GTPBP4: variants seen among roughly 807,000 people sequenced by gnomAD.
GTPBP4 encodes GTP binding protein 4.
Under a neutral mutation model 81.7 loss-of-function variants are expected in GTPBP4, and 15 were observed. The observed-to-expected ratio is 0.18, with a 90% CI of 0.12 to 0.28. GTPBP4 has a LOEUF of 0.28. Ranked by LOEUF, GTPBP4 falls within the 10% of genes least tolerant of loss-of-function variation. The probability of loss-of-function intolerance (pLI) is 1.00; values close to 1 mark genes in which losing one functional copy is unlikely to be tolerated. For missense variants in GTPBP4, 847 were observed against 793.8 expected (o/e 1.07, Z -0.81); for synonymous variants, 272 against 274.6 (o/e 0.99, Z 0.09).
At chr10:1,012,686 A>C (rs369137314) in intron 14 of GTPBP4, 24 bp downstream of exon 14, 1 of 1,558,720 alleles carries the variant, frequency 6.4e-7, no homozygotes, top group Non-Finnish European at 8.8e-7. Flanking sequence ...TTTCCAAAGC[A>C]GTGTGATCTA....
At chr10:1,011,411 C>T (rs1831868161) in intron 13 of GTPBP4, among the ~76,000 whole-genome samples, 1 of 152,258 alleles carries the variant, frequency 6.6e-6, no homozygotes, top group African/African-American at 2.4e-5. Context: ...CTTCTCTCAG[C>T]TGAGCTGTCT....
rs1004395171 is a variant in GTPBP4, at chr10:1,019,883, G to T, written c.*2656G>T. 5 of 1,256,448 alleles carry T rather than the reference G, an allele frequency of 4.0e-6. No homozygotes were observed. The African/African-American group carries it at 7.5e-5, about 19-fold the overall frequency. The allele number at this position is 1,256,448 out of a possible 1,614,324, so 77.8% of individuals were successfully genotyped here. A position where few individuals can be genotyped will look rare whatever the true frequency, so the allele number is the denominator to read the frequency against. On this transcript the variant is annotated 3_prime_UTR_variant, in exon 17 of 17. Coordinates refer to ENST00000360803, the MANE Select transcript of GTPBP4 (RefSeq NM_012341.3). Reference sequence around the variant, plus strand: ...GTTAACAACGCTAATGTAAAACACAGAATTTACAGAAAAATAGAGAAAATA... The same window carrying T: ...GTTAACAACGCTAATGTAAAACACATAATTTACAGAAAAATAGAGAAAATA...
chr10:992,808 G>A (rs1831468241), intron 2 of GTPBP4, 149 bp downstream of exon 2: 1 of 576,746 alleles, frequency 1.7e-6, no homozygotes, highest in African/African-American at 1.9e-5. Context: ...GAACTAATTT[G>A]TTGAATTTAT....
At position 1,012,636 on chromosome 10, in the gene GTPBP4, C is replaced by T. The variant is rs1564471448; in HGVS notation, c.1516C>T (p.Pro506Ser). The part of the protein sequence containing the change: ...LESKEKNTQG[P>S]RMPRTAKKVQ... ...GTCCAAAGAAAAGAATACACAGGGA[C>T]CCAGGATGCCGCGAACTGCTAAGAA... Residue 506 changes from proline to serine, a missense_variant, in exon 14 of 17, where the codon CCC (proline) becomes TCC (serine). By Grantham distance (74) the Pro-to-Ser change is moderately conservative (BLOSUM62 -1). Around this residue, in one of 3 missense-constraint regions of GTPBP4, gnomAD observed 600 missense variants for 557.1 expected, o/e 1.08. Transcript: ENST00000360803. 3 of 1,613,364 alleles carry T rather than the reference C, an allele frequency of 1.9e-6. No homozygotes were observed. The highest frequency in any genetic ancestry group is 2.5e-6 in the Non-Finnish European group (3 of 1,179,604).
chr10:1,010,720 GCCT>G (rs1440958109), intron 13 of GTPBP4, among the ~76,000 whole-genome samples, 200 bp downstream of exon 13: 1 of 141,542 alleles, frequency 7.1e-6, no homozygotes, highest in Non-Finnish European at 1.5e-5. Flanking sequence ...TGCTATGCTG[GCCT>G]GCCCCCTTCC....
chr10:1,011,357 A>G (rs959302611), intron 13 of GTPBP4, among the ~76,000 whole-genome samples: 2 of 152,040 alleles, frequency 1.3e-5, no homozygotes, highest in African/African-American at 4.8e-5. Flanking sequence ...TAAAAAACGA[A>G]AACATCCTTA....
chr10:1,000,776 C>G lies in GTPBP4; in HGVS notation c.754C>G (p.Leu252Val). 6.2e-7 allele frequency: 1 copy of G among 1,610,556 alleles called. No individual in the cohort carries two copies. The highest frequency in any genetic ancestry group is 8.5e-7 in the Non-Finnish European group (1 of 1,178,198). ...CCTGGCCCACCTCCGTGCTGCGGTC[C>G]TGTATGTGATGGATTTGTCTGAGCA... ...TALAHLRAAV[L>V]YVMDLSEQCG... The change falls in exon 7 of 17, where the codon CTG becomes GTG. Residue 252 changes from leucine to valine, a missense_variant. This residue lies in a region of GTPBP4 where 600 missense variants were observed against 557.1 expected (regional missense o/e 1.08). Coordinates refer to ENST00000360803, the MANE Select transcript of GTPBP4 (RefSeq NM_012341.3).
intron 15 of GTPBP4, among the ~76,000 whole-genome samples, chr10:1,015,052 G>C (rs1831950723): frequency 6.6e-6 from 1 of 152,196 alleles, no homozygotes; most frequent in Non-Finnish European, 1.5e-5. Flanking sequence ...GTGAGGGAGA[G>C]AGCATTGTTT....
intron 12 of GTPBP4, among the ~76,000 whole-genome samples, chr10:1,010,005 G>A (rs1001690891): frequency 1.3e-5 from 2 of 152,070 alleles, no homozygotes; most frequent in African/African-American, 2.4e-5. Context: ...AAAGAAAGGT[G>A]CATGCTGATA....
chr10:1,012,144 G>A (rs761870590), intron 13 of GTPBP4, among the ~76,000 whole-genome samples: 2 of 152,236 alleles, frequency 1.3e-5, no homozygotes, highest in Non-Finnish European at 2.9e-5. Flanking sequence ...TTCCTTGTGT[G>A]TGTCTGCCGG....
At chr10:1,017,003 A>T in intron 16 of GTPBP4, 72 bp from the exon 17 acceptor site, 2 of 1,228,306 alleles carry the variant, frequency 1.6e-6, no homozygotes, top group Non-Finnish European at 2.3e-6. Context: ...ATTGTTACCC[A>T]GTAGTTGAAA....
chr10:1,011,205 T>C (rs1320763276), intron 13 of GTPBP4, among the ~76,000 whole-genome samples: 2 of 133,638 alleles, frequency 1.5e-5, no homozygotes, highest in Non-Finnish European at 3.3e-5. Context: ...ACCCTGTATC[T>C]CCGCCAGGCC....
At chr10:1,015,418 AGCC>A (rs1831962648) in intron 15 of GTPBP4, among the ~76,000 whole-genome samples, 2 of 117,590 alleles carry the variant, frequency 1.7e-5, no homozygotes, top group African/African-American at 7.3e-5. Context: ...CTGAGCGCTG[AGCC>A]TGGGAGTGGA....
intron 10 of GTPBP4, among the ~76,000 whole-genome samples, chr10:1,008,679 C>T (rs1831795613): frequency 6.6e-6 from 1 of 152,084 alleles, no homozygotes; most frequent in Non-Finnish European, 1.5e-5. Context: ...TTCTGTTTTT[C>T]CTGGATAAAC....
intron 16 of GTPBP4, 52 bp from the exon 17 acceptor site, chr10:1,017,023 G>C: frequency 1.5e-5 from 22 of 1,488,324 alleles, no homozygotes; most frequent in Non-Finnish European, 1.9e-5. Context: ...ATTCAGAATG[G>C]AAAATTGGTT....
chr10:1,006,016 G>A (rs1051524565), intron 9 of GTPBP4, 109 bp downstream of exon 9: 5 of 664,400 alleles, frequency 7.5e-6, no homozygotes, highest in East Asian at 5.4e-5. Flanking sequence ...AACACTTGGA[G>A]CCCTCGCAGT....
At chr10:993,490 A>G (rs910093692) in intron 2 of GTPBP4, among the ~76,000 whole-genome samples, 10 of 151,776 alleles carry the variant, frequency 6.6e-5, no homozygotes, top group Non-Finnish European at 1.0e-4. Flanking sequence ...CAAATGATCT[A>G]CCTGCCTCAG....
intron 4 of GTPBP4, chr10:997,001 C>T (rs1831547858): frequency 7.3e-6 from 4 of 551,688 alleles, no homozygotes; most frequent in Non-Finnish European, 1.3e-5. Context: ...ATGATTCTTA[C>T]CAGAGCCAAA....
chr10:990,160 T>C (rs1184174643), intron 1 of GTPBP4, among the ~76,000 whole-genome samples: 1 of 152,244 alleles, frequency 6.6e-6, no homozygotes, highest in East Asian at 1.9e-4. Context: ...TATTGACTTA[T>C]GTGGAGAACT....
Sources: gnomAD v4.1 joint callset for allele counts (sites outside exome capture counted in the v4.1 genomes callset) on GRCh38, gnomAD v4.1.1 for gene constraint, gnomAD v4.1.1 regional missense constraint, MANE v1.5 for transcripts, NCBI Gene and HGNC (gene_info 2026-07-23, HGNC 2026-07-21) for gene names.